SHANK2: variants seen among roughly 807,000 people sequenced by gnomAD.
SHANK2 encodes the protein SH3 and multiple ankyrin repeat domains protein 2.
In SHANK2, 43 loss-of-function variants were observed where a neutral mutation model predicts 133.7. The ratio of observed to expected loss-of-function variants is 0.32; its 90% CI spans 0.25 to 0.41. The LOEUF (loss-of-function observed/expected upper bound fraction) is 0.41, where lower values mean the gene tolerates loss of function less well. Ranked by LOEUF, SHANK2 falls within the 10% of genes least tolerant of loss-of-function variation. The pLI is 1.00. For missense variants in SHANK2, 1,994 were observed against 2,235.8 expected (o/e 0.89, Z 2.18); for synonymous variants, 1,017 against 952.8 (o/e 1.07, Z -1.24).
chr11:70,533,312 A>C (rs1554973587), intron 17 of SHANK2, among the ~76,000 whole-genome samples: 4 of 152,080 alleles, frequency 2.6e-5, no homozygotes, highest in Admixed American at 2.6e-4. Flanking sequence ...CTGGTCTCAA[A>C]CTCCCGGGCT....
chr11:70,579,536 CA>C (rs2060157598), intron 17 of SHANK2, among the ~76,000 whole-genome samples: 2 of 152,102 alleles, frequency 1.3e-5, no homozygotes, highest in African/African-American at 4.8e-5. Context: ...TGGCATCTCC[CA>C]GGCCTGGGCG....
intron 9 of SHANK2, among the ~76,000 whole-genome samples, chr11:71,061,163 C>T (rs1479409562): frequency 5.3e-5 from 8 of 152,268 alleles, no homozygotes; most frequent in African/African-American, 1.7e-4. Flanking sequence ...TTGCAAACTA[C>T]GGCCCTTGGG....
intron 11 of SHANK2, among the ~76,000 whole-genome samples, chr11:70,885,944 G>A (rs1949735780): frequency 6.6e-6 from 1 of 152,148 alleles, no homozygotes; most frequent in Non-Finnish European, 1.5e-5. Context: ...AGATACGCAC[G>A]GGAGAAAGTA....
intron 11 of SHANK2, among the ~76,000 whole-genome samples, chr11:70,885,580 G>A (rs1949726337): frequency 6.6e-6 from 1 of 152,200 alleles, no homozygotes; most frequent in South Asian, 2.1e-4. Flanking sequence ...TGCGCAGGAG[G>A]CATGGGGCAA....
rs561473833 is a variant in SHANK2 at position 70,841,270 on chromosome 11, T to TA, written c.1175-20589dup. On this transcript the variant is annotated intron_variant, in intron 11 of 25. Transcript: ENST00000601538. ...TGGGTGGCGGAGCGAGACTCCGTCT[T>TA]AAAAAAAATAGCAATTATCACCGCA... Among the ~76,000 whole-genome samples, 45 of 151,926 alleles carry TA rather than the reference T, an allele frequency of 3.0e-4. 1 individual carries two copies. Among genetic ancestry groups the TA allele is most frequent in the African/African-American group, 1.0e-3 (42 of 41,442 alleles).
At chr11:71,057,917 T>TTTTTG (rs1162420629) in intron 9 of SHANK2, among the ~76,000 whole-genome samples, 1 of 148,890 alleles carries the variant, frequency 6.7e-6, no homozygotes, top group African/African-American at 2.5e-5. Context: ...CAAAACGGTT[T>TTTTTG]TTTTTTTTTT....
intron 17 of SHANK2, among the ~76,000 whole-genome samples, chr11:70,602,106 G>A (rs897738557): frequency 5.9e-5 from 9 of 152,174 alleles, no homozygotes; most frequent in Admixed American, 3.9e-4. Flanking sequence ...GGTTAAGTGC[G>A]TGGCAGCTCC....
intron 17 of SHANK2, among the ~76,000 whole-genome samples, chr11:70,652,849 C>G (rs1220300199): frequency 6.6e-6 from 1 of 152,174 alleles, no homozygotes; most frequent in Non-Finnish European, 1.5e-5. Flanking sequence ...CTGTGCTCAG[C>G]GCCTCTGACC....
In SHANK2 at chr11:71,147,173, TCTC is replaced by T; in HGVS notation, c.151_153del (p.Glu51del). On this transcript the variant is annotated inframe_deletion, in exon 3 of 26. Transcript: ENST00000601538. ...CGGATCACCAGCGTGTTGCCCTGGC[TCTC>T]CTCCGTCCTGGCACCGCCCGGCTTC... is the stretch of plus-strand genomic sequence containing the variant. 6.4e-7 allele frequency: 1 copy of T among 1,550,530 alleles called. No individual in the cohort carries two copies. Among genetic ancestry groups the T allele is most frequent in the Non-Finnish European group, 8.7e-7 (1 of 1,146,924 alleles).
chr11:70,566,070 A>G (rs999917925), intron 17 of SHANK2, among the ~76,000 whole-genome samples: 2 of 152,198 alleles, frequency 1.3e-5, no homozygotes, highest in African/African-American at 4.8e-5. Flanking sequence ...CAGGCAAGAG[A>G]GAATGGGAGC....
chr11:70,825,125 T>C (rs1948618448), intron 11 of SHANK2, among the ~76,000 whole-genome samples: 1 of 152,174 alleles, frequency 6.6e-6, no homozygotes, highest in South Asian at 2.1e-4. Flanking sequence ...TCTCTTTTTC[T>C]GACCCTTGTA....
At chr11:71,217,236 T>C (rs1954432293) in intron 2 of SHANK2, among the ~76,000 whole-genome samples, 1 of 151,848 alleles carries the variant, frequency 6.6e-6, no homozygotes, top group South Asian at 2.1e-4. Context: ...CCAGGTGCAG[T>C]GGCTCATGCC....
At chr11:70,885,720 G>A (rs782799006) in intron 11 of SHANK2, among the ~76,000 whole-genome samples, 6 of 152,210 alleles carry the variant, frequency 3.9e-5, no homozygotes, top group Non-Finnish European at 8.8e-5. Flanking sequence ...TGCCCCGGGA[G>A]CACCATGTAC....
At position 70,797,376 on chromosome 11, in the gene SHANK2, C is replaced by T. The variant is rs922289550; in HGVS notation, c.1777+1067G>A. On this transcript the variant is annotated intron_variant, in intron 14 of 25. Coordinates refer to ENST00000601538, the MANE Select transcript of SHANK2 (RefSeq NM_012309.5). Reference sequence around the variant, plus strand: ...GTCTTAACTCAATACCCCACAATACCGTCTGGTGTCTAAGCCTGAGCAGGG... The same window carrying T: ...GTCTTAACTCAATACCCCACAATACTGTCTGGTGTCTAAGCCTGAGCAGGG... 3.9e-5 allele frequency among the ~76,000 whole-genome samples: 6 copies of T among 152,186 alleles called. No individual in the cohort carries two copies. In the East Asian group the frequency reaches 1.2e-3, roughly 29 times the overall value.
rs1951602312 is a variant in SHANK2, at chr11:71,095,902, C to G, written c.593-1214G>C. On this transcript the variant is annotated intron_variant, in intron 6 of 25. Transcript: ENST00000601538. ...CTGTCTCCATGTGAAAAGCAGGCTT[C>G]CTGTCTTCCCCAACTAGGATGCTGT... Among the ~76,000 whole-genome samples the G allele has an allele frequency of 2.0e-5, 3 of 150,980 alleles. No individual in the cohort carries two copies. The South Asian group carries it at 6.5e-4, about 33-fold the overall frequency.
At chr11:70,825,208 A>G (rs1043741557) in intron 11 of SHANK2, among the ~76,000 whole-genome samples, 8 of 152,022 alleles carry the variant, frequency 5.3e-5, no homozygotes. Flanking sequence ...GCTAAGATAA[A>G]CTCATTAGGA....
intron 10 of SHANK2, among the ~76,000 whole-genome samples, chr11:70,902,603 C>A (rs1413737127): frequency 6.6e-6 from 1 of 152,228 alleles, no homozygotes; most frequent in Non-Finnish European, 1.5e-5. Context: ...GAAGTGTGAT[C>A]TACAGTTCCA....
chr11:71,168,668 T>TA (rs782749005), intron 2 of SHANK2, among the ~76,000 whole-genome samples: 1 of 152,024 alleles, frequency 6.6e-6, no homozygotes, highest in Non-Finnish European at 1.5e-5. Flanking sequence ...ACCAAAAAAA[T>TA]ACGAAAACCA....
chr11:70,827,233 G>C (rs1247596858), intron 11 of SHANK2, among the ~76,000 whole-genome samples: 1 of 146,690 alleles, frequency 6.8e-6, no homozygotes, highest in African/African-American at 2.5e-5. Flanking sequence ...AATTACCCTG[G>C]AAAAAACAGG....
Sources: allele counts gnomAD v4.1 joint callset (sites outside exome capture counted in the v4.1 genomes callset), GRCh38; gene constraint gnomAD v4.1.1; transcripts MANE v1.5; gene names NCBI Gene and HGNC (gene_info 2026-07-23, HGNC 2026-07-21).